The following BBS2 variants were observed in gnomAD, a reference collection of about 807,000 sequenced individuals.
BBS2 encodes Bardet-Biedl syndrome 2.
BBS2 carries 62 observed loss-of-function variants against 83.0 expected under a neutral mutation model. The ratio of observed to expected loss-of-function variants is 0.75; its 90% CI spans 0.61 to 0.92. The LOEUF (loss-of-function observed/expected upper bound fraction) is 0.92, where lower values mean the gene tolerates loss of function less well. BBS2 is among the 40% of genes least tolerant of loss of function. BBS2 has a pLI of 0.00. For missense variants in BBS2, 784 were observed against 901.0 expected (o/e 0.87, Z 1.66); for synonymous variants, 303 against 326.1 (o/e 0.93, Z 0.76).
chr16:56,470,570 T>G lies in BBS2; in HGVS notation c.*126A>C. 3.7e-6 allele frequency: 6 copies of G among 1,614,206 alleles called. No homozygotes were observed. In the South Asian group the frequency reaches 5.5e-5, roughly 15 times the overall value. On this transcript the variant is annotated 3_prime_UTR_variant, in exon 18 of 18. Transcript: ENST00000682047. The stretch of plus-strand genomic sequence containing the variant: ...TTATTTCGCTCTGAGGCACTATTCT[T>G]GCTGCTCTCCAACTTCACAGGCCTG...
intron 15 of BBS2, among the ~76,000 whole-genome samples, chr16:56,490,154 AT>A (rs535567297): frequency 1.6e-3 from 247 of 151,814 alleles, no homozygotes; most frequent in African/African-American, 5.4e-3. Context: ...ACACACAAAA[AT>A]AATAATAATA....
At chr16:56,506,265 G>C in intron 5 of BBS2, 41 bp from the exon 6 acceptor site, 2 of 1,469,888 alleles carry the variant, frequency 1.4e-6, no homozygotes, top group South Asian at 1.1e-5. Flanking sequence ...TTTTCATTAA[G>C]ACTCAGTTTA....
intron 17 of BBS2, among the ~76,000 whole-genome samples, chr16:56,470,988 T>C (rs1963145996): frequency 6.6e-6 from 1 of 152,098 alleles, no homozygotes. Context: ...AATGTATACA[T>C]GAACAACAAG....
intron 15 of BBS2, among the ~76,000 whole-genome samples, chr16:56,495,790 GTA>G (rs766663524): frequency 0.019 from 1,860 of 97,460 alleles, 23 homozygotes; most frequent in Non-Finnish European, 0.03. Flanking sequence ...GTGTGTGTGT[GTA>G]TATATATGTA....
At position 56,498,586 on chromosome 16, in the gene BBS2, T is replaced by C. The variant is rs778768951; in HGVS notation, c.1528-18A>G. On this transcript the variant is annotated intron_variant, in intron 12 of 16. Transcript: ENST00000245157. ...ACAACAACCTTGAAAATGAACACAA[T>C]GAAATGACCTCCATTTTTAAGGTAC... 1 of 1,613,682 alleles carries C rather than the reference T, an allele frequency of 6.2e-7. No homozygotes were observed. Among genetic ancestry groups the C allele is most frequent in the East Asian group, 2.2e-5 (1 of 44,840 alleles).
intron 1 of BBS2, among the ~76,000 whole-genome samples, chr16:56,518,149 C>T (rs1275687263): frequency 1.3e-5 from 2 of 152,054 alleles, no homozygotes; most frequent in African/African-American, 4.8e-5. Context: ...CAATAACTAA[C>T]ATCATGATGT....
chr16:56,473,236 G>A (rs1963288038), intron 17 of BBS2, among the ~76,000 whole-genome samples: 1 of 152,164 alleles, frequency 6.6e-6, no homozygotes, highest in Non-Finnish European at 1.5e-5. Context: ...GGCCACCAAA[G>A]CAGTTTTACA....
Position 56,484,614 on chromosome 16 carries a change from A to G in BBS2, c.*147T>C. 4.4e-6 allele frequency: 3 copies of G among 681,144 alleles called. No individual in the cohort carries two copies. The highest frequency in any genetic ancestry group is 5.3e-6 in the Non-Finnish European group (2 of 374,630). The allele number at this position is 681,144 out of a possible 1,614,324, so 42.2% of individuals were successfully genotyped here. A position where few individuals can be genotyped will look rare whatever the true frequency, so the allele number is the denominator to read the frequency against. On this transcript the variant is annotated 3_prime_UTR_variant, in exon 17 of 17. Transcript: ENST00000245157. ...AGAAAGCAAGTCTATCTTCACATGT[A>G]GTTCTTTGTCTTTAATTTGTACAAC... is the stretch of plus-strand genomic sequence containing the variant.
chr16:56,481,857 C>T (rs1010804401), downstream of BBS2, among the ~76,000 whole-genome samples: 17 of 152,100 alleles, frequency 1.1e-4, no homozygotes, highest in Admixed American at 4.6e-4. Context: ...TAGAAGAGGC[C>T]GTGACTACTT....
At chr16:56,489,087 T>TAA (rs544906624) in intron 15 of BBS2, among the ~76,000 whole-genome samples, 2 of 143,344 alleles carry the variant, frequency 1.4e-5, no homozygotes, top group Non-Finnish European at 3.1e-5. Flanking sequence ...AGCCAAACAT[T>TAA]AAAAAAAAAA....
rs566484239 is a variant in BBS2 at position 56,514,342 on chromosome 16, A to G, written c.345+111T>C. 25 of 988,940 alleles carry G rather than the reference A, an allele frequency of 2.5e-5. No homozygotes were observed. In the East Asian group the frequency reaches 2.8e-4, roughly 11 times the overall value. The allele number at this position is 988,940 out of a possible 1,614,324, so 61.3% of individuals were successfully genotyped here. On this transcript the variant is annotated intron_variant, in intron 2 of 16. Coordinates refer to ENST00000245157, the MANE Select transcript of BBS2 (RefSeq NM_031885.5). ...AATCTCCATGTTGTTTACCTATACT[A>G]TAACAGTCATACAACAAACAGACCA... is the stretch of plus-strand genomic sequence containing the variant.
rs559696466 is a variant in BBS2, at chr16:56,519,183, T to C, written c.117+563A>G. ...CTGTCTCTACTAAAAATACAAAAAT[T>C]AGCCAGGCGTGGTGGCGGGCGCCTG... On this transcript the variant is annotated intron_variant, in intron 1 of 16. Coordinates refer to ENST00000245157, the MANE Select transcript of BBS2 (RefSeq NM_031885.5). 1.9e-3 allele frequency among the ~76,000 whole-genome samples: 289 copies of C among 151,734 alleles called. 3 individuals are homozygous for C. The highest frequency in any genetic ancestry group is 6.8e-3 in the Middle Eastern group (2 of 294).
At chr16:56,501,270 A>C in intron 10 of BBS2, 83 bp downstream of exon 10, 2 of 1,531,018 alleles carry the variant, frequency 1.3e-6, no homozygotes, top group Non-Finnish European at 9.0e-7. Context: ...AGACAGAGGA[A>C]GACTCTGTCT....
intron 7 of BBS2, among the ~76,000 whole-genome samples, chr16:56,504,618 T>A (rs1388486410): frequency 6.6e-6 from 1 of 152,250 alleles, no homozygotes; most frequent in Admixed American, 6.5e-5. Context: ...CTTATCTTTT[T>A]CATGCTCAGG....
At chr16:56,516,423 G>C (rs1176099564) in intron 1 of BBS2, among the ~76,000 whole-genome samples, 3 of 152,160 alleles carry the variant, frequency 2.0e-5, no homozygotes, top group Non-Finnish European at 4.4e-5. Context: ...TTGAGACGGA[G>C]TCTTGCTCTA....
chr16:56,479,251 T>G (rs1169256070), intron 17 of BBS2, among the ~76,000 whole-genome samples: 1 of 152,148 alleles, frequency 6.6e-6, no homozygotes, highest in African/African-American at 2.4e-5. Flanking sequence ...GGCTGGCAGA[T>G]TACCTGAGGT....
chr16:56,519,670 G>C lies in BBS2; in HGVS notation c.117+76C>G, dbSNP rs375530131. 1.1e-5 allele frequency: 13 copies of C among 1,228,818 alleles called. No individual in the cohort carries two copies. The East Asian group carries it at 1.2e-4, about 11-fold the overall frequency. The allele number at this position is 1,228,818 out of a possible 1,614,324, so 76.1% of individuals were successfully genotyped here. ...CTGGGGGCGGGGTCGGAGAGGGGAC[G>C]GGATCCCAGGGGCGCGGCCGGCGGA... On this transcript the variant is annotated intron_variant, in intron 1 of 16. Coordinates refer to ENST00000245157, the MANE Select transcript of BBS2 (RefSeq NM_031885.5).
Position 56,498,805 on chromosome 16 carries a change from T to G in BBS2, c.1528-237A>C, listed in dbSNP as rs148040490. On this transcript the variant is annotated intron_variant, in intron 12 of 16. Coordinates refer to ENST00000245157, the MANE Select transcript of BBS2 (RefSeq NM_031885.5). ...CCTCACCTATGCTCTTAAGTAACATTCATAATTATGCCTGGCCCCACAGCA... is the reference window on the plus strand; with the variant it reads ...CCTCACCTATGCTCTTAAGTAACATGCATAATTATGCCTGGCCCCACAGCA... The G allele has an allele frequency of 1.0e-3, 1,138 of 1,104,076 alleles. 17 individuals are homozygous for G. The Admixed American group carries it at 0.029, about 28-fold the overall frequency. The allele number at this position is 1,104,076 out of a possible 1,614,324, so 68.4% of individuals were successfully genotyped here.
At chr16:56,485,823 A>G in intron 15 of BBS2, 85 bp from the exon 16 acceptor site, 1 of 1,233,864 alleles carries the variant, frequency 8.1e-7, no homozygotes, top group South Asian at 1.2e-5. Context: ...AGACATACAA[A>G]GAAAAGACAC....
Sources: gnomAD v4.1 joint callset for allele counts (sites outside exome capture counted in the v4.1 genomes callset) on GRCh38, gnomAD v4.1.1 for gene constraint, MANE v1.5 for transcripts, NCBI Gene and HGNC (gene_info 2026-07-23, HGNC 2026-07-21) for gene names.